Variants in RDH16 observed in about 807,000 individuals in gnomAD.
RDH16 encodes human epidermal retinol dehydrogenase.
Under a neutral mutation model 22.3 loss-of-function variants are expected in RDH16, and 25 were observed. The observed-to-expected ratio is 1.12, with a 90% confidence interval of 0.82 to 1.56. The LOEUF is 1.56. Ranked by LOEUF, RDH16 falls within the 40% of genes most tolerant of loss-of-function variation. The pLI is 0.00. For synonymous variants in RDH16, 154 were observed against 164.4 expected, an observed-to-expected ratio of 0.94 and a Z score of 0.48; for missense variants, 413 against 394.9, an observed-to-expected ratio of 1.05 and a Z score of -0.39.
rs76011066 is a variant in RDH16, at chr12:56,956,999, T to C, written c.313+151A>G. On this transcript the variant is annotated intron_variant, in intron 1 of 3. Coordinates refer to ENST00000398138, the MANE Select transcript of RDH16 (RefSeq NM_003708.5). ...GGTTAAGGATTGAAAAGAGATGGGG[T>C]TCAGGCAGCCTGTTAAGTGAGAAAT... The C allele has an allele frequency of 3.1e-3, 2,408 of 774,298 alleles. 38 individuals are homozygous for C. In the African/African-American group the frequency reaches 0.037, roughly 12 times the overall value. 48.0% of individuals were successfully genotyped at this position (774,298 alleles called of 1,614,324 possible). A position where few individuals can be genotyped will look rare whatever the true frequency, so the allele number is the denominator to read the frequency against.
intron 1 of RDH16, 97 bp from the exon 2 acceptor site, chr12:56,955,261 AC>A (rs1955918515): frequency 3.5e-6 from 5 of 1,433,658 alleles, no homozygotes; most frequent in Non-Finnish European, 3.8e-6. Context: ...GTGAGGGCAG[AC>A]TGACAGGTGT....
intron 2 of RDH16, among the ~76,000 whole-genome samples, chr12:56,953,332 C>T (rs888153940): frequency 5.3e-5 from 8 of 152,188 alleles, no homozygotes; most frequent in East Asian, 1.9e-4. Context: ...TCCCCTCCCT[C>T]GTTTTCCTGC....
At chr12:56,955,603 TAA>T (rs1450835323) in intron 1 of RDH16, among the ~76,000 whole-genome samples, 2 of 151,978 alleles carry the variant, frequency 1.3e-5, no homozygotes, top group Non-Finnish European at 2.9e-5. Flanking sequence ...GTTGATGGAA[TAA>T]GAGACAAGAA....
rs771944294 is a variant in RDH16 at position 56,954,892 on chromosome 12, T to A, written c.572+14A>T. ...AGCAGGAAGACTAGGGTGGGCCCCA[T>A]CCCAGACCCATACCTGAGGGAGTCA... On this transcript the variant is annotated intron_variant, in intron 2 of 3. Coordinates refer to ENST00000398138, the MANE Select transcript of RDH16 (RefSeq NM_003708.5). 6.2e-6 allele frequency: 10 copies of A among 1,613,808 alleles called. No individual in the cohort carries two copies. Among genetic ancestry groups the A allele is most frequent in the Non-Finnish European group, 4.2e-6 (5 of 1,179,852 alleles).
rs56078738 is a variant in RDH16, at chr12:56,953,171, G to A, written c.573-181C>T. Among the ~76,000 whole-genome samples the A allele has an allele frequency of 7.2e-3, 1,097 of 152,304 alleles. 17 individuals are homozygous for A. The highest frequency in any genetic ancestry group is 0.025 in the African/African-American group (1,046 of 41,546). On this transcript the variant is annotated intron_variant, in intron 2 of 3. Transcript: ENST00000398138. ...TATCATGGTGGCATTCCCTCTGTAT[G>A]GAGTTTCCATATTTTACACACCTGA...
chr12:56,952,132 C>A lies in RDH16; in HGVS notation c.851G>T (p.Gly284Val). Residue 284 changes from glycine to valine, a missense_variant, in exon 4 of 4, where the codon GGC becomes GTC. Coordinates refer to ENST00000398138, the MANE Select transcript of RDH16 (RefSeq NM_003708.5). ...GAGGTAGAGAAGCTTGGCATCCCAG[C>A]CAGCTGAGTAGCGAGTACGGGGGTG... ...ACHPRTRYSA[G>V]WDAKLLYLPM... 2 of 1,614,154 alleles carry A rather than the reference C, an allele frequency of 1.2e-6. No homozygotes were observed. The highest frequency in any genetic ancestry group is 1.7e-6 in the Non-Finnish European group (2 of 1,180,028).
intron 1 of RDH16, 65 bp from the exon 2 acceptor site, chr12:56,955,229 G>A: frequency 6.3e-7 from 1 of 1,581,728 alleles, no homozygotes; most frequent in South Asian, 1.1e-5. Context: ...CAGAGTTAGG[G>A]TGCAAATCAC....
rs1432136732 is a variant in RDH16, at chr12:56,953,426, T to C, written c.573-436A>G. On this transcript the variant is annotated intron_variant, in intron 2 of 3. Transcript: ENST00000398138. ...TGTCTTCAGTCTGGCTCCCCACACT[T>C]ACAACCACTGGGCTTCCTGCAGTCA... is the stretch of plus-strand genomic sequence containing the variant. 9.2e-5 allele frequency among the ~76,000 whole-genome samples: 14 copies of C among 152,164 alleles called. No homozygotes were observed. In the South Asian group the frequency reaches 2.9e-3, roughly 32 times the overall value.
In RDH16 at chr12:56,957,519, G is replaced by C; in HGVS notation, c.-57C>G. The C allele has an allele frequency of 6.5e-7, 1 of 1,535,962 alleles. No homozygotes were observed. Among genetic ancestry groups the C allele is most frequent in the Non-Finnish European group, 8.8e-7 (1 of 1,133,760 alleles). On this transcript the variant is annotated 5_prime_UTR_variant, in exon 1 of 4. Transcript: ENST00000398138. ...TGGGGGAAACCAGAGTCTGGCCTCTGTTCAGACAGGAGGATTTAAGAACAC... is the reference window on the plus strand; with the variant it reads ...TGGGGGAAACCAGAGTCTGGCCTCTCTTCAGACAGGAGGATTTAAGAACAC...
At chr12:56,955,317 T>C (rs1032512148) in intron 1 of RDH16, among the ~76,000 whole-genome samples, 153 bp from the exon 2 acceptor site, 2 of 151,694 alleles carry the variant, frequency 1.3e-5, no homozygotes, top group Non-Finnish European at 2.9e-5. Context: ...ATCACAGGGG[T>C]GGGGGCTGAG....
chr12:56,953,132 C>A, intron 2 of RDH16, 142 bp from the exon 3 acceptor site: 1 of 788,628 alleles, frequency 1.3e-6, no homozygotes, highest in South Asian at 2.0e-5. Flanking sequence ...TTCCAGCAAT[C>A]AAGGGGTCAT....
At position 56,957,332 on chromosome 12, in the gene RDH16, A is replaced by T; in HGVS notation, c.131T>A (p.Leu44Gln). ...ITGCDSGFGK[L>Q]LARQLDARGL... ...TCGTGCATCCAGCTGTCTGGCCAGCAGTTTCCCGAAGCCAGAGTCACAGCC... is the reference window on the plus strand; with the variant it reads ...TCGTGCATCCAGCTGTCTGGCCAGCTGTTTCCCGAAGCCAGAGTCACAGCC... Residue 44 changes from leucine (L) to glutamine (Q), a missense_variant, in exon 1 of 4, where the codon CTG (leucine) becomes CAG (glutamine). By Grantham distance (113) the Leu-to-Gln change is moderately radical. Transcript: ENST00000398138. The T allele has an allele frequency of 1.9e-6, 3 of 1,614,180 alleles. No individual in the cohort carries two copies. The highest frequency in any genetic ancestry group is 2.5e-6 in the Non-Finnish European group (3 of 1,180,030).
Position 56,952,078 on chromosome 12 carries a change from A to C in RDH16, c.905T>G (p.Val302Gly). The C allele has an allele frequency of 6.2e-7, 1 of 1,614,142 alleles. No homozygotes were observed. The highest frequency in any genetic ancestry group is 1.1e-5 in the South Asian group (1 of 91,070). ...LPMSYMPTFLVDAIMYWVSPS... is the reference protein window; with the variant it reads ...LPMSYMPTFLGDAIMYWVSPS... ...AGAGACCCAGTACATAATGGCATCCACCAGGAAGGTGGGCATGTAGCTCAT... is the reference window on the plus strand; with the variant it reads ...AGAGACCCAGTACATAATGGCATCCCCCAGGAAGGTGGGCATGTAGCTCAT... Residue 302 changes from valine (V) to glycine (G), a missense_variant, in exon 4 of 4, where the codon GTG becomes GGG. Val to Gly is a moderately radical substitution (Grantham distance 109). Transcript: ENST00000398138.
rs1955931031 is a variant in RDH16 at position 56,956,670 on chromosome 12, C to CGA, written c.313+479_313+480insTC. 2.6e-5 allele frequency among the ~76,000 whole-genome samples: 4 copies of CGA among 152,134 alleles called. No homozygotes were observed. In the South Asian group the frequency reaches 8.3e-4, roughly 32 times the overall value. On this transcript the variant is annotated intron_variant, in intron 1 of 3. Transcript: ENST00000398138. ...TAAGCAGTCCTTAAGCTGATACTCT[C>CGA]CTCTGAAGATGGAGATGATCGTAGC... is the stretch of plus-strand genomic sequence containing the variant.
At position 56,952,150 on chromosome 12, in the gene RDH16, C is replaced by G. The variant is rs931225152; in HGVS notation, c.833G>C (p.Arg278Pro). The change falls in exon 4 of 4, where the codon CGT (arginine) becomes CCT (proline). Residue 278 changes from arginine (R) to proline (P), a missense_variant. Transcript: ENST00000398138. ...ATCCCAGCCAGCTGAGTAGCGAGTA[C>G]GGGGGTGGCAGGCAATCAGCGCATG... is the stretch of plus-strand genomic sequence containing the variant. ...MEHALIACHP[R>P]TRYSAGWDAK... The G allele has an allele frequency of 1.2e-5, 20 of 1,614,152 alleles. No homozygotes were observed. In the Admixed American group the frequency reaches 2.0e-4, roughly 16 times the overall value.
chr12:56,956,270 C>T (rs1163943749), intron 1 of RDH16, among the ~76,000 whole-genome samples: 1 of 152,108 alleles, frequency 6.6e-6, no homozygotes, highest in Non-Finnish European at 1.5e-5. Context: ...TCCAACCACT[C>T]AGTATGGATT....
Position 56,952,098 on chromosome 12 carries a change from G to A in RDH16, c.885C>T (p.Ser295=). ...CATCCACCAGGAAGGTGGGCATGTA[G>A]CTCATGGGGAGGTAGAGAAGCTTGG... ...WDAKLLYLPM[S]YMPTFLVDAI... is the part of the protein sequence containing the mutation. Residue 295 remains serine (S), a synonymous_variant, in exon 4 of 4, where the codon AGC becomes AGT. Transcript: ENST00000398138. 6.2e-7 allele frequency: 1 copy of A among 1,614,210 alleles called. No individual in the cohort carries two copies. The highest frequency in any genetic ancestry group is 1.7e-5 in the Admixed American group (1 of 60,030).
chr12:56,952,325 G>T, intron 3 of RDH16, 79 bp from the exon 4 acceptor site: 1 of 1,379,546 alleles, frequency 7.2e-7, no homozygotes, highest in Non-Finnish European at 1.0e-6. Flanking sequence ...GAGTGGAAAG[G>T]GTCTAAGAAC....
At position 56,952,176 on chromosome 12, in the gene RDH16, C is replaced by T. The variant is rs1044399965; in HGVS notation, c.807G>A (p.Glu269=). 7 of 1,614,082 alleles carry T rather than the reference C, an allele frequency of 4.3e-6. No individual in the cohort carries two copies. The African/African-American group carries it at 9.3e-5, about 22-fold the overall frequency. ...QDLSLVTNCM[E]HALIACHPRT... ...GGGGGTGGCAGGCAATCAGCGCATG[C>T]TCCATGCAGTTGGTCACCAACGACA... Residue 269 remains glutamate (E), a synonymous_variant, in exon 4 of 4, where the codon GAG becomes GAA. Transcript: ENST00000398138.
Sources: allele counts gnomAD v4.1 joint callset (sites outside exome capture counted in the v4.1 genomes callset), GRCh38; gene constraint gnomAD v4.1.1; transcripts MANE v1.5; gene names NCBI Gene and HGNC (gene_info 2026-07-23, HGNC 2026-07-21).